The following PGBD5 variants were observed in gnomAD, a reference collection of about 807,000 sequenced individuals.
The protein encoded by PGBD5 is piggyBac transposable element derived 5, also known as piggyBac transposable element-derived protein 5.
Under a neutral mutation model 47.9 loss-of-function variants are expected in PGBD5, and 14 were observed. The ratio of observed to expected loss-of-function variants is 0.29; its 90% confidence interval spans 0.19 to 0.46. The LOEUF is 0.46. Among genes scored for constraint, PGBD5 ranks in the 20% least tolerant of loss-of-function variants. The probability of loss-of-function intolerance (pLI) is 1.00; values close to 1 mark genes in which losing one functional copy is unlikely to be tolerated. For missense variants in PGBD5, 635 were observed against 716.0 expected (o/e 0.89, Z 1.29); for synonymous variants, 316 against 306.3 (o/e 1.03, Z -0.33).
chr1:230,375,899 C>T (rs1668004349), intron 1 of PGBD5, among the ~76,000 whole-genome samples: 1 of 151,732 alleles, frequency 6.6e-6, no homozygotes, highest in South Asian at 2.1e-4. Flanking sequence ...CACCAACAGC[C>T]GGGGTGTCAA....
At chr1:230,363,987 C>T (rs1038100028) in intron 1 of PGBD5, among the ~76,000 whole-genome samples, 1 of 152,180 alleles carries the variant, frequency 6.6e-6, no homozygotes, top group East Asian at 1.9e-4. Flanking sequence ...CTTTTTCCTT[C>T]CCCCTTGTGG....
At chr1:230,423,012 T>C (rs907085926) in intron 1 of PGBD5, among the ~76,000 whole-genome samples, 1 of 148,494 alleles carries the variant, frequency 6.7e-6, no homozygotes, top group African/African-American at 2.5e-5. Flanking sequence ...ATCAGAGTTA[T>C]CTTTCTGATT....
chr1:230,335,754 C>G (rs1397722470), intron 4 of PGBD5, among the ~76,000 whole-genome samples: 17 of 140,474 alleles, frequency 1.2e-4, no homozygotes, highest in African/African-American at 2.3e-4. Flanking sequence ...AAGACACACA[C>G]AGATACACAG....
intron 1 of PGBD5, among the ~76,000 whole-genome samples, chr1:230,419,438 A>G (rs557137200): frequency 5.1e-4 from 78 of 152,134 alleles, no homozygotes; most frequent in Non-Finnish European, 9.7e-4. Flanking sequence ...AGGTGAGAAA[A>G]ACTACCCATT....
chr1:230,401,003 T>A (rs73102042), intron 1 of PGBD5, among the ~76,000 whole-genome samples: 1 of 152,154 alleles, frequency 6.6e-6, no homozygotes, highest in East Asian at 1.9e-4. Flanking sequence ...CATGAGATTG[T>A]ATCACCACCC....
intron 1 of PGBD5, among the ~76,000 whole-genome samples, chr1:230,381,049 C>T (rs1656468000): frequency 6.6e-6 from 1 of 152,244 alleles, no homozygotes; most frequent in South Asian, 2.1e-4. Flanking sequence ...GTGCACAGTG[C>T]TTACAGTTTA....
chr1:230,357,841 A>G lies in PGBD5; in HGVS notation c.332-520T>C, dbSNP rs1437329667. On this transcript the variant is annotated intron_variant, in intron 1 of 6. Transcript: ENST00000391860. This position sits in a 1 kb window ranked among gnomAD's most constrained non-coding sequence, Gnocchi z 5.7. Reference sequence around the variant, plus strand: ...TGTATACATCAACATGTAAGTTTTAAAATTAAAATGTGCATATTTATACAT... The same window carrying G: ...TGTATACATCAACATGTAAGTTTTAGAATTAAAATGTGCATATTTATACAT... Among the ~76,000 whole-genome samples, 1 of 152,182 alleles carries G rather than the reference A, an allele frequency of 6.6e-6. No homozygotes were observed.
intron 5 of PGBD5, among the ~76,000 whole-genome samples, chr1:230,329,622 C>T (rs1479369905): frequency 6.6e-6 from 1 of 152,258 alleles, no homozygotes; most frequent in Non-Finnish European, 1.5e-5. Flanking sequence ...AGAGATTCTC[C>T]TGCCTCAGCC....
chr1:230,327,141 G>A (rs1451330375), intron 5 of PGBD5, among the ~76,000 whole-genome samples: 1 of 152,088 alleles, frequency 6.6e-6, no homozygotes, highest in Non-Finnish European at 1.5e-5. Flanking sequence ...AGTGGCTGGA[G>A]TTGACCTACT....
intron 3 of PGBD5, among the ~76,000 whole-genome samples, chr1:230,346,668 T>C (rs1571833040): frequency 1.3e-5 from 2 of 152,192 alleles, no homozygotes; most frequent in East Asian, 3.8e-4. Context: ...GCTTGGCCTG[T>C]GGCAAGAGCT....
chr1:230,331,790 G>A (rs1279980028), intron 5 of PGBD5, among the ~76,000 whole-genome samples: 1 of 151,590 alleles, frequency 6.6e-6, no homozygotes, highest in Non-Finnish European at 1.5e-5. Flanking sequence ...CACCAGGCCT[G>A]GCTCAAACCT....
intron 3 of PGBD5, among the ~76,000 whole-genome samples, chr1:230,343,238 C>T (rs1356459789): frequency 6.6e-6 from 1 of 152,186 alleles, no homozygotes; most frequent in Non-Finnish European, 1.5e-5. Context: ...CATCTCATCC[C>T]AAAGCTCAAA....
intron 1 of PGBD5, among the ~76,000 whole-genome samples, chr1:230,399,678 G>T (rs548998920): frequency 6.6e-6 from 1 of 152,196 alleles, no homozygotes; most frequent in Non-Finnish European, 1.5e-5. Flanking sequence ...TGCAGTGGGA[G>T]TAGGGTCAAG....
chr1:230,327,679 G>A (rs918097727), intron 5 of PGBD5, among the ~76,000 whole-genome samples: 1 of 152,208 alleles, frequency 6.6e-6, no homozygotes, highest in Non-Finnish European at 1.5e-5. Flanking sequence ...TTCTGCTGTC[G>A]GGAGCCTGCA....
At chr1:230,384,055 TA>T (rs1656579774) in intron 1 of PGBD5, among the ~76,000 whole-genome samples, 3 of 152,192 alleles carry the variant, frequency 2.0e-5, no homozygotes, top group Non-Finnish European at 4.4e-5. Flanking sequence ...CCTTCCAACT[TA>T]ACACAAGCTG....
intron 1 of PGBD5, among the ~76,000 whole-genome samples, chr1:230,391,084 T>C (rs1251741083): frequency 6.7e-6 from 1 of 149,894 alleles, no homozygotes; most frequent in East Asian, 2.0e-4. Flanking sequence ...TGACTAGTCA[T>C]AGCGACTGAG....
chr1:230,327,669 T>G (rs1325200276), intron 5 of PGBD5, among the ~76,000 whole-genome samples: 2 of 152,220 alleles, frequency 1.3e-5, no homozygotes, highest in African/African-American at 4.8e-5. Context: ...CTGAGAGATG[T>G]TCTGCTGTCG....
Position 230,416,695 on chromosome 1 carries a change from C to G in PGBD5, c.331+8903G>C, listed in dbSNP as rs549370597. On this transcript the variant is annotated intron_variant, in intron 1 of 6. Coordinates refer to ENST00000391860, the MANE Select transcript of PGBD5 (RefSeq NM_001258311.2). ...AGAGACAATGGTAGGACGCGTGCTA[C>G]AAGGTGACAATAGAGAGGAAGACCA... 1.6e-3 allele frequency among the ~76,000 whole-genome samples: 250 copies of G among 152,292 alleles called. 2 individuals are homozygous for G. Among genetic ancestry groups the G allele is most frequent in the African/African-American group, 5.9e-3 (244 of 41,552 alleles).
intron 1 of PGBD5, among the ~76,000 whole-genome samples, chr1:230,412,742 G>C (rs1003400522): frequency 6.6e-6 from 1 of 152,130 alleles, no homozygotes; most frequent in Non-Finnish European, 1.5e-5. Context: ...GGAGGAGGAG[G>C]AGGAAGAGGA....
Sources: gnomAD v4.1 joint callset for allele counts (sites outside exome capture counted in the v4.1 genomes callset) on GRCh38, gnomAD v4.1.1 for gene constraint, Gnocchi (gnomAD v3.1) non-coding constraint, MANE v1.5 for transcripts, NCBI Gene and HGNC (gene_info 2026-07-23, HGNC 2026-07-21) for gene names.